Variants in GABRR1 observed in about 807,000 individuals in gnomAD.
The protein encoded by GABRR1 is gamma-aminobutyric acid type A receptor subunit rho1.
In GABRR1, 59 loss-of-function variants were observed where a neutral mutation model predicts 55.5. That is an observed-to-expected ratio of 1.06 (90% CI 0.86 to 1.32). The LOEUF is 1.32. Among genes scored for constraint, GABRR1 ranks in the 40% most tolerant of loss-of-function variants. The probability of loss-of-function intolerance (pLI) is 0.00; values close to 1 mark genes in which losing one functional copy is unlikely to be tolerated. For synonymous variants in GABRR1, 213 were observed against 226.0 expected, an observed-to-expected ratio of 0.94 and a Z score of 0.51; for missense variants, 602 against 619.1, an observed-to-expected ratio of 0.97 and a Z score of 0.29.
upstream of GABRR1, among the ~76,000 whole-genome samples, chr6:89,217,974 T>C (rs1202235263): frequency 1.3e-5 from 2 of 152,202 alleles, no homozygotes; most frequent in Non-Finnish European, 2.9e-5. Flanking sequence ...ATTGTTCTTA[T>C]CATGAACCTT....
At chr6:89,220,644 C>T (rs1773100445), upstream of GABRR1, among the ~76,000 whole-genome samples, 1 of 152,148 alleles carries the variant, frequency 6.6e-6, no homozygotes, top group African/African-American at 2.4e-5. Context: ...CTGAGAGAAC[C>T]AGTTAGGGCC....
chr6:89,182,599 A>C (rs1771763006), intron 7 of GABRR1, among the ~76,000 whole-genome samples: 1 of 152,114 alleles, frequency 6.6e-6, no homozygotes, highest in Non-Finnish European at 1.5e-5. Context: ...GGGTCATTTA[A>C]ACTCCTGTTA....
chr6:89,200,678 C>T (rs1350224738), intron 3 of GABRR1, among the ~76,000 whole-genome samples: 2 of 151,978 alleles, frequency 1.3e-5, no homozygotes. Context: ...CTTCATAGGG[C>T]TTTGCTATTC....
chr6:89,203,616 C>T lies in GABRR1; in HGVS notation c.123-131G>A, dbSNP rs41311292. The stretch of plus-strand genomic sequence containing the variant: ...AATGTAAAAGAAGAAGAAAAAACTA[C>T]GAAGATTCAATGCATTCATTTAGCC... On this transcript the variant is annotated intron_variant, in intron 1 of 9. Coordinates refer to ENST00000454853, the MANE Select transcript of GABRR1 (RefSeq NM_002042.5). The T allele has an allele frequency of 2.8e-5, 20 of 718,378 alleles. No individual in the cohort carries two copies. The Admixed American group carries it at 3.5e-4, about 13-fold the overall frequency. The allele number at this position is 718,378 out of a possible 1,614,324, so 44.5% of individuals were successfully genotyped here. A position where few individuals can be genotyped will look rare whatever the true frequency, so the allele number is the denominator to read the frequency against.
chr6:89,218,890 A>C (rs1481619784), upstream of GABRR1, among the ~76,000 whole-genome samples: 1 of 152,220 alleles, frequency 6.6e-6, no homozygotes, highest in Non-Finnish European at 1.5e-5. Flanking sequence ...AGAAGAAAGG[A>C]ATTCACTCAA....
intron 6 of GABRR1, 118 bp downstream of exon 6, chr6:89,190,045 CAA>C (rs879031533): frequency 7.5e-3 from 3,419 of 457,688 alleles, no homozygotes; most frequent in South Asian, 0.013. Flanking sequence ...GACTCCATCT[CAA>C]AAAAAAAAAA....
At chr6:89,220,279 C>G (rs1442369377), upstream of GABRR1, among the ~76,000 whole-genome samples, 3 of 152,204 alleles carry the variant, frequency 2.0e-5, no homozygotes, top group Admixed American at 1.3e-4. Context: ...TTCCTACCCT[C>G]TCTTAGCTAA....
chr6:89,196,014 G>A (rs1354497384), intron 5 of GABRR1, among the ~76,000 whole-genome samples: 1 of 152,140 alleles, frequency 6.6e-6, no homozygotes, highest in Non-Finnish European at 1.5e-5. Context: ...AAAATATTGA[G>A]GACATATTTC....
At chr6:89,193,687 TA>T (rs1772173478) in intron 5 of GABRR1, among the ~76,000 whole-genome samples, 1 of 152,088 alleles carries the variant, frequency 6.6e-6, no homozygotes, top group South Asian at 2.1e-4. Context: ...AATGTCACAT[TA>T]AAAAACATAA....
chr6:89,184,253 A>AG (rs1458753474), intron 7 of GABRR1, among the ~76,000 whole-genome samples: 2 of 149,768 alleles, frequency 1.3e-5, no homozygotes, highest in East Asian at 4.0e-4. Context: ...GTCTCAAAAA[A>AG]AAAAAAAAAA....
intron 1 of GABRR1, among the ~76,000 whole-genome samples, chr6:89,206,280 G>A (rs76952342): frequency 0.022 from 3,327 of 152,000 alleles, 85 homozygotes; most frequent in African/African-American, 0.067. Flanking sequence ...AGTAAAATCC[G>A]TGGAAGTTGG....
At chr6:89,214,605 T>C (rs188324782) in intron 1 of GABRR1, among the ~76,000 whole-genome samples, 6 of 152,280 alleles carry the variant, frequency 3.9e-5, no homozygotes, top group Admixed American at 3.9e-4. Flanking sequence ...TGAACAGACA[T>C]TTTTCAAAAC....
At chr6:89,204,735 CT>C in intron 1 of GABRR1, 2 of 1,000,940 alleles carry the variant, frequency 2.0e-6, no homozygotes, top group Non-Finnish European at 2.6e-6. Context: ...CAGTTATAGT[CT>C]TTTTCATTAT....
intron 5 of GABRR1, among the ~76,000 whole-genome samples, chr6:89,197,508 G>A (rs1772336037): frequency 6.6e-6 from 1 of 152,216 alleles, no homozygotes; most frequent in South Asian, 2.1e-4. Flanking sequence ...CTGAACTGGT[G>A]AGAAGATTTT....
chr6:89,179,031 G>T lies in GABRR1; in HGVS notation c.1179C>A (p.Arg393=). The part of the protein sequence containing the change: ...LPCTSGLPPP[R]TAMLDGNYSD... ...TGTAGTTGCCGTCCAGCATCGCAGT[G>T]CGGGGCGGAGGTAATCCGCTGGTGC... The change falls in exon 10 of 10, where the codon CGC becomes CGA. Residue 393 remains arginine, a synonymous_variant. Coordinates refer to ENST00000454853, the MANE Select transcript of GABRR1 (RefSeq NM_002042.5). 6.2e-7 allele frequency: 1 copy of T among 1,614,114 alleles called. No homozygotes were observed. Among genetic ancestry groups the T allele is most frequent in the Non-Finnish European group, 8.5e-7 (1 of 1,180,016 alleles).
Position 89,178,666 on chromosome 6 carries a change from G to T in GABRR1, c.*104C>A, listed in dbSNP as rs752939934. The stretch of plus-strand genomic sequence containing the variant: ...GAAGGGATAGTGAAAACATGGGTGG[G>T]TCCTGGGATTTTTTTTTAACCATAT... On this transcript the variant is annotated 3_prime_UTR_variant, in exon 10 of 10. Coordinates refer to ENST00000454853, the MANE Select transcript of GABRR1 (RefSeq NM_002042.5). 1.4e-4 allele frequency: 137 copies of T among 978,190 alleles called. No individual in the cohort carries two copies. Among genetic ancestry groups the T allele is most frequent in the Non-Finnish European group, 1.8e-4 (121 of 663,934 alleles). 60.6% of individuals were successfully genotyped at this position (978,190 alleles called of 1,614,324 possible). A position where few individuals can be genotyped will look rare whatever the true frequency, so the allele number is the denominator to read the frequency against.
chr6:89,218,588 T>C (rs553893608), upstream of GABRR1, among the ~76,000 whole-genome samples: 6 of 152,358 alleles, frequency 3.9e-5, no homozygotes, highest in South Asian at 1.2e-3. Context: ...GGCAATATAG[T>C]TGTTTGCATA....
chr6:89,183,516 A>T (rs1441205194), intron 7 of GABRR1, among the ~76,000 whole-genome samples: 1 of 152,194 alleles, frequency 6.6e-6, no homozygotes, highest in Non-Finnish European at 1.5e-5. Context: ...TAGAAACTGC[A>T]TGAAGATTTG....
Position 89,212,035 on chromosome 6 carries a change from C to T in GABRR1, c.122+5166G>A, listed in dbSNP as rs1185402876. 1.5e-5 allele frequency: 4 copies of T among 263,422 alleles called. 1 individual carries two copies. The East Asian group carries it at 9.0e-4, about 59-fold the overall frequency. The allele number at this position is 263,422 out of a possible 1,614,324, so 16.3% of individuals were successfully genotyped here. On this transcript the variant is annotated intron_variant, in intron 1 of 9. Coordinates refer to ENST00000454853, the MANE Select transcript of GABRR1 (RefSeq NM_002042.5). ...GCAGACTTATATCCCTTCCTGCTGA[C>T]TGGACAGCTGTCTCTGGGTATCTTG... is the stretch of plus-strand genomic sequence containing the variant.
Sources: gnomAD v4.1 joint callset for allele counts (sites outside exome capture counted in the v4.1 genomes callset) on GRCh38, gnomAD v4.1.1 for gene constraint, MANE v1.5 for transcripts, NCBI Gene and HGNC (gene_info 2026-07-23, HGNC 2026-07-21) for gene names.